The following LINGO4 variants were observed in gnomAD, a reference collection of about 807,000 sequenced individuals.
LINGO4 encodes leucine-rich repeat and immunoglobulin-like domain-containing nogo receptor-interacting protein 4.
A neutral mutation model predicts 27.9 loss-of-function variants in LINGO4; 22 were observed. The observed-to-expected ratio is 0.79, with a 90% CI of 0.56 to 1.13. The LOEUF (loss-of-function observed/expected upper bound fraction) is 1.13. LINGO4 is among the 50% of genes most tolerant of loss of function. The pLI, the probability that LINGO4 is intolerant of heterozygous loss-of-function variation, is 0.00. For missense variants in LINGO4, 706 were observed against 739.4 expected (o/e 0.95, Z 0.52); for synonymous variants, 306 against 325.8 (o/e 0.94, Z 0.65).
In LINGO4 at chr1:151,802,269, G is replaced by A; in HGVS notation, c.436C>T (p.Leu146Phe). ...TCCCCAAAAGCTCCATCTAGGAAGA[G>A]AACAATCTGGTTGAGGCGGAGGTCC... ...LLDLRLNQIVLFLDGAFGELG... is the reference protein window; with the variant it reads ...LLDLRLNQIVFFLDGAFGELG... The change falls in exon 2 of 2, where the codon CTC (leucine) becomes TTC (phenylalanine). Residue 146 changes from leucine to phenylalanine, a missense_variant. Coordinates refer to ENST00000368820, the MANE Select transcript of LINGO4 (RefSeq NM_001004432.4). 6.2e-7 allele frequency: 1 copy of A among 1,614,234 alleles called. No individual in the cohort carries two copies. The highest frequency in any genetic ancestry group is 8.5e-7 in the Non-Finnish European group (1 of 1,180,048).
At position 151,801,389 on chromosome 1, in the gene LINGO4, C is replaced by T. The variant is rs1431250532; in HGVS notation, c.1316G>A (p.Gly439Glu). ...CCAGGAGACAGTGGGGGCTGGGTCT[C>T]CATCTCCAGAGCAGGAGAAAACCGC... ...GHAVFSCSGD[G>E]DPAPTVSWMR... Residue 439 changes from glycine to glutamate, a missense_variant, in exon 2 of 2, where the codon GGA (glycine) becomes GAA (glutamate). Gly to Glu is a moderately conservative substitution (Grantham distance 98). Transcript: ENST00000368820. This position sits in a 1 kb window ranked among gnomAD's most constrained non-coding sequence, Gnocchi z 5.7. The T allele has an allele frequency of 1.2e-6, 2 of 1,614,112 alleles. No homozygotes were observed. Among genetic ancestry groups the T allele is most frequent in the Non-Finnish European group, 8.5e-7 (1 of 1,179,958 alleles).
chr1:151,800,821 G>C lies in LINGO4; in HGVS notation c.*102C>G. On this transcript the variant is annotated 3_prime_UTR_variant, in exon 2 of 2. Transcript: ENST00000368820. ...ACGCAGGCGGGAGGTGCAGGAGAGC[G>C]GTGCTGCTCGGGACTAGGTTCTGGT... 5 of 1,055,440 alleles carry C rather than the reference G, an allele frequency of 4.7e-6. No individual in the cohort carries two copies. The South Asian group carries it at 6.3e-5, about 13-fold the overall frequency. The allele number at this position is 1,055,440 out of a possible 1,614,324, so 65.4% of individuals were successfully genotyped here.
Position 151,800,728 on chromosome 1 carries a change from A to C in LINGO4, c.*195T>G. 1.7e-6 allele frequency: 1 copy of C among 572,090 alleles called. No homozygotes were observed. The highest frequency in any genetic ancestry group is 1.9e-5 in the African/African-American group (1 of 53,672). The allele number at this position is 572,090 out of a possible 1,614,324, so 35.4% of individuals were successfully genotyped here. ...ATCTGCAGCTCCCTGGGACCCTCAGAGAAGAAATGACAATGCTATCCTCAG... is the reference window on the plus strand; with the variant it reads ...ATCTGCAGCTCCCTGGGACCCTCAGCGAAGAAATGACAATGCTATCCTCAG... On this transcript the variant is annotated 3_prime_UTR_variant, in exon 2 of 2. Transcript: ENST00000368820.
rs1651106638 is a variant in LINGO4 at position 151,800,355 on chromosome 1, GTGCAGTATA to G, written c.*559_*567del. ...GGTGGTAGAGGCTCATGCAAACACA[GTGCAGTATA>G]TGGTCTGTCCTCTCCATCCCACACT... On this transcript the variant is annotated 3_prime_UTR_variant, in exon 2 of 2. Transcript: ENST00000368820. 1 of 153,238 alleles carries G rather than the reference GTGCAGTATA, an allele frequency of 6.5e-6. No homozygotes were observed. Among genetic ancestry groups the G allele is most frequent in the Admixed American group, 6.5e-5 (1 of 15,370 alleles). 9.5% of individuals were successfully genotyped at this position (153,238 alleles called of 1,614,324 possible).
chr1:151,802,456 C>T lies in LINGO4; in HGVS notation c.249G>A (p.Leu83=). The T allele has an allele frequency of 1.9e-6, 3 of 1,614,164 alleles. No individual in the cohort carries two copies. The highest frequency in any genetic ancestry group is 2.5e-6 in the Non-Finnish European group (3 of 1,180,026). Residue 83 remains leucine (L), a synonymous_variant, in exon 2 of 2, where the codon CTG becomes CTA. Transcript: ENST00000368820. ...WGLQQGMLSR[L]SLLQELDLSY... ...TGAGGTCCAATTCCTGGAGCAGGCT[C>T]AGGCGGGAGAGCATTCCCTGCTGGA...
intron 1 of LINGO4, among the ~76,000 whole-genome samples, chr1:151,803,909 G>A (rs1651218294): frequency 6.6e-6 from 1 of 152,080 alleles, no homozygotes. Context: ...AGGTGATGAG[G>A]GCCCCTGACT....
At position 151,802,027 on chromosome 1, in the gene LINGO4, C is replaced by T. The variant is rs374134009; in HGVS notation, c.678G>A (p.Gly226=). Residue 226 remains glycine, a synonymous_variant, in exon 2 of 2, where the codon GGG becomes GGA. Transcript: ENST00000368820. The part of the protein sequence containing the change: ...IGRLPAGALR[G]LGQLKELEIH... ...TCTCCAGCTCCTTGAGCTGCCCCAGCCCCCGCAGGGCCCCAGCTGGCAGCC... is the reference window on the plus strand; with the variant it reads ...TCTCCAGCTCCTTGAGCTGCCCCAGTCCCCGCAGGGCCCCAGCTGGCAGCC... The T allele has an allele frequency of 6.6e-5, 107 of 1,614,022 alleles. No individual in the cohort carries two copies. Among genetic ancestry groups the T allele is most frequent in the Non-Finnish European group, 8.3e-5 (98 of 1,180,018 alleles).
In LINGO4 at chr1:151,800,982, G is replaced by T; in HGVS notation, c.1723C>A (p.Pro575Thr). 6.2e-7 allele frequency: 1 copy of T among 1,614,014 alleles called. No homozygotes were observed. The highest frequency in any genetic ancestry group is 8.5e-7 in the Non-Finnish European group (1 of 1,179,924). The change falls in exon 2 of 2, where the codon CCT (proline) becomes ACT (threonine). Residue 575 changes from proline to threonine, a missense_variant. Coordinates refer to ENST00000368820, the MANE Select transcript of LINGO4 (RefSeq NM_001004432.4). ...KHHMTFDFVA[P>T]RPSGDKNSGG... is the part of the protein sequence containing the mutation. ...GAGTTTTTATCCCCAGAGGGCCGAGGTGCCACAAAGTCAAAGGTCATGTGA... is the reference window on the plus strand; with the variant it reads ...GAGTTTTTATCCCCAGAGGGCCGAGTTGCCACAAAGTCAAAGGTCATGTGA...
chr1:151,802,733 A>G lies in LINGO4; in HGVS notation c.-13-16T>C, dbSNP rs779750195. On this transcript the variant is annotated splice_polypyrimidine_tract_variant and intron_variant, in intron 1 of 1. Transcript: ENST00000368820. ...CTCTTCAGTCCTGGAATAGATGATG[A>G]CATGGCCCTTTTTGGAAAGTGGCTT... 1 of 1,448,786 alleles carries G rather than the reference A, an allele frequency of 6.9e-7. No homozygotes were observed. The highest frequency in any genetic ancestry group is 2.7e-5 in the Admixed American group (1 of 36,960). 89.7% of individuals were successfully genotyped at this position (1,448,786 alleles called of 1,614,324 possible). A position where few individuals can be genotyped will look rare whatever the true frequency, so the allele number is the denominator to read the frequency against.
intron 1 of LINGO4, among the ~76,000 whole-genome samples, chr1:151,804,963 C>T (rs1052823444): frequency 6.6e-6 from 1 of 152,180 alleles, no homozygotes; most frequent in Non-Finnish European, 1.5e-5. Context: ...AAGATCCACA[C>T]CGATTGTGGA....
Position 151,802,198 on chromosome 1 carries a change from T to A in LINGO4, c.507A>T (p.Val169=). The A allele has an allele frequency of 6.2e-7, 1 of 1,614,114 alleles. No homozygotes were observed. Among genetic ancestry groups the A allele is most frequent in the Non-Finnish European group, 8.5e-7 (1 of 1,180,004 alleles). Reference sequence around the variant, plus strand: ...CTGCAAAGGCCCCCGGAGCCACAAATACCAGGTGGTTGTCCCCAACCTCCA... The same window carrying A: ...CTGCAAAGGCCCCCGGAGCCACAAAAACCAGGTGGTTGTCCCCAACCTCCA... ...QKLEVGDNHL[V]FVAPGAFAGL... The change falls in exon 2 of 2, where the codon GTA becomes GTT. Residue 169 remains valine, a synonymous_variant. Coordinates refer to ENST00000368820, the MANE Select transcript of LINGO4 (RefSeq NM_001004432.4).
rs755831095 is a variant in LINGO4 at position 151,802,316 on chromosome 1, C to A, written c.389G>T (p.Gly130Val). Residue 130 changes from glycine to valine, a missense_variant, in exon 2 of 2, where the codon GGC (glycine) becomes GTC (valine). By Grantham distance (109) the Gly-to-Val change is moderately radical. Transcript: ENST00000368820. Reference protein sequence around the residue: ...LRIMGPGVFSGLSALTLLDLR... With the variant: ...LRIMGPGVFSVLSALTLLDLR... The stretch of plus-strand genomic sequence containing the variant: ...GTCCAGCAGGGTCAGAGCAGAGAGG[C>A]CTGAGAAGACCCCAGGCCCCATGAT... The A allele has an allele frequency of 1.2e-6, 2 of 1,614,180 alleles. No individual in the cohort carries two copies. The highest frequency in any genetic ancestry group is 1.7e-6 in the Non-Finnish European group (2 of 1,180,024).
Position 151,801,782 on chromosome 1 carries a change from G to A in LINGO4, c.923C>T (p.Ser308Leu), listed in dbSNP as rs1651155113. The change falls in exon 2 of 2, where the codon TCA becomes TTA. Residue 308 changes from serine to leucine, a missense_variant. Transcript: ENST00000368820. This position sits in a 1 kb window ranked among gnomAD's most constrained non-coding sequence, Gnocchi z 5.7. ...AGCAATGGAGGTGAGGCATGCCCCT[G>A]ACAGGCGTAGCTCCTGGAGCCGCAC... The part of the protein sequence containing the change: ...PLVRLQELRL[S>L]GACLTSIAAH... 1 of 1,614,114 alleles carries A rather than the reference G, an allele frequency of 6.2e-7. No individual in the cohort carries two copies. The highest frequency in any genetic ancestry group is 1.1e-5 in the South Asian group (1 of 91,094).
At position 151,802,531 on chromosome 1, in the gene LINGO4, G is replaced by T; in HGVS notation, c.174C>A (p.Leu58=). Residue 58 remains leucine, a synonymous_variant, in exon 2 of 2, where the codon CTC becomes CTA. Transcript: ENST00000368820. ...GGTCCAGGAGCTCAGTGTCCAGTGG[G>T]AGTCCTCCAGGTACAGCCTCCAGTT... ...HRQLEAVPGG[L]PLDTELLDLS... 1.2e-6 allele frequency: 2 copies of T among 1,606,880 alleles called. No homozygotes were observed. Among genetic ancestry groups the T allele is most frequent in the Non-Finnish European group, 1.7e-6 (2 of 1,176,420 alleles).
At chr1:151,803,806 G>C (rs909602142) in intron 1 of LINGO4, among the ~76,000 whole-genome samples, 1 of 152,162 alleles carries the variant, frequency 6.6e-6, no homozygotes, top group Non-Finnish European at 1.5e-5. Context: ...AGAGCCTGTA[G>C]ACTTATAGTC....
In LINGO4 at chr1:151,801,813, G is replaced by A. The variant is rs1213139150; in HGVS notation, c.892C>T (p.Pro298Ser). 2.5e-6 allele frequency: 4 copies of A among 1,614,242 alleles called. No individual in the cohort carries two copies. Among genetic ancestry groups the A allele is most frequent in the Non-Finnish European group, 3.4e-6 (4 of 1,180,048 alleles). ...ISAIPARRLS[P>S]LVRLQELRLS... The stretch of plus-strand genomic sequence containing the variant: ...CGTAGCTCCTGGAGCCGCACCAGGG[G>A]GCTGAGCCTTCGGGCTGGGATGGCT... Residue 298 changes from proline to serine, a missense_variant, in exon 2 of 2, where the codon CCC becomes TCC. By Grantham distance (74) the Pro-to-Ser change is moderately conservative (BLOSUM62 -1). Transcript: ENST00000368820. The surrounding 1 kb of genome is among the most constrained non-coding windows in gnomAD (Gnocchi z 5.7).
rs991155058 is a variant in LINGO4, at chr1:151,800,881, T to A, written c.*42A>T. ...CTTGGTTCTGTCTTCCCCTTTGGTA[T>A]CTGAAGCGGACTTGGTGGGTTCCCC... On this transcript the variant is annotated 3_prime_UTR_variant, in exon 2 of 2. Transcript: ENST00000368820. 1 of 1,537,890 alleles carries A rather than the reference T, an allele frequency of 6.5e-7. No homozygotes were observed. Among genetic ancestry groups the A allele is most frequent in the Non-Finnish European group, 8.8e-7 (1 of 1,135,114 alleles).
At chr1:151,804,605 G>A (rs935356189) in intron 1 of LINGO4, among the ~76,000 whole-genome samples, 1 of 152,222 alleles carries the variant, frequency 6.6e-6, no homozygotes, top group Non-Finnish European at 1.5e-5. Flanking sequence ...CCCTGAGTCC[G>A]CTGGGCCAGG....
chr1:151,800,659 T>G lies in LINGO4; in HGVS notation c.*264A>C. 3 of 463,270 alleles carry G rather than the reference T, an allele frequency of 6.5e-6. No homozygotes were observed. The highest frequency in any genetic ancestry group is 3.8e-6 in the Non-Finnish European group (1 of 260,830). The allele number at this position is 463,270 out of a possible 1,614,324, so 28.7% of individuals were successfully genotyped here. On this transcript the variant is annotated 3_prime_UTR_variant, in exon 2 of 2. Coordinates refer to ENST00000368820, the MANE Select transcript of LINGO4 (RefSeq NM_001004432.4). ...CTTTGATTATGTTTCCTGTTTTGTGTGTGGAGGGGGTGAAGCAGGGGCTGG... is the reference window on the plus strand; with the variant it reads ...CTTTGATTATGTTTCCTGTTTTGTGGGTGGAGGGGGTGAAGCAGGGGCTGG...
Sources: gnomAD v4.1 joint callset for allele counts (sites outside exome capture counted in the v4.1 genomes callset) on GRCh38, gnomAD v4.1.1 for gene constraint, Gnocchi (gnomAD v3.1) non-coding constraint, MANE v1.5 for transcripts, NCBI Gene and HGNC (gene_info 2026-07-23, HGNC 2026-07-21) for gene names.